DCDC2C: variants seen among roughly 807,000 people sequenced by gnomAD.
DCDC2C encodes doublecortin domain-containing protein 2C.
In DCDC2C, 44 loss-of-function variants were observed where a neutral mutation model predicts 45.0. The ratio of observed to expected loss-of-function variants is 0.98; its 90% confidence interval spans 0.77 to 1.26. DCDC2C has a LOEUF of 1.26. Among genes scored for constraint, DCDC2C ranks in the 50% most tolerant of loss-of-function variants. DCDC2C has a pLI of 0.00. For missense variants in DCDC2C, 447 were observed against 468.9 expected, an observed-to-expected ratio of 0.95 and a Z score of 0.43; for synonymous variants, 187 against 178.8, an observed-to-expected ratio of 1.05 and a Z score of -0.37.
At chr2:3,841,395 A>G (rs1396533041) in intron 10 of DCDC2C, among the ~76,000 whole-genome samples, 1 of 149,936 alleles carries the variant, frequency 6.7e-6, no homozygotes, top group Non-Finnish European at 1.5e-5. Context: ...TTATATTAAT[A>G]TTTTATATTA....
At chr2:3,842,455 G>T (rs1246250827) in intron 10 of DCDC2C, among the ~76,000 whole-genome samples, 1 of 151,962 alleles carries the variant, frequency 6.6e-6, no homozygotes, top group Non-Finnish European at 1.5e-5. Context: ...GTGGGCAGAG[G>T]GGTCAGCTTA....
intron 10 of DCDC2C, among the ~76,000 whole-genome samples, chr2:3,842,539 T>C (rs4849929): frequency 0.57 from 86,744 of 150,878 alleles, 25,031 homozygotes; most frequent in South Asian, 0.73. Context: ...AAAAAGTGAA[T>C]GTGCCTGAGG....
chr2:3,776,214 G>A (rs140388686), intron 8 of DCDC2C, among the ~76,000 whole-genome samples: 54 of 152,238 alleles, frequency 3.5e-4, no homozygotes, highest in African/African-American at 1.3e-3. Context: ...GAGTCCTTCT[G>A]GCTGGCATAT....
At chr2:3,783,442 C>T (rs560616943) in intron 9 of DCDC2C, among the ~76,000 whole-genome samples, 1 of 152,308 alleles carries the variant, frequency 6.6e-6, no homozygotes, top group East Asian at 1.9e-4. Flanking sequence ...GCATCTCTTC[C>T]TCCACTAACC....
At chr2:3,726,152 GCTT>G (rs1432375927) in intron 2 of DCDC2C, 4 of 152,586 alleles carry the variant, frequency 2.6e-5, no homozygotes, top group Non-Finnish European at 5.8e-5. Context: ...GGGACCCCAA[GCTT>G]CTTATCCTGG....
intron 6 of DCDC2C, among the ~76,000 whole-genome samples, chr2:3,764,574 T>C (rs768343440): frequency 2.4e-4 from 37 of 152,210 alleles, no homozygotes; most frequent in Non-Finnish European, 4.4e-5. Context: ...TGTGCCATGA[T>C]TGTGAGACTT....
At chr2:3,825,230 T>G (rs1671784396) in intron 10 of DCDC2C, among the ~76,000 whole-genome samples, 1 of 152,206 alleles carries the variant, frequency 6.6e-6, no homozygotes, top group African/African-American at 2.4e-5. Flanking sequence ...AGCTCTCCTG[T>G]ACCTGCAGCT....
chr2:3,703,623 C>T lies in DCDC2C; in HGVS notation c.-129C>T, dbSNP rs62106595. 366,194 of 935,896 alleles carry T rather than the reference C, an allele frequency of 0.39. 72,830 individuals carry two copies. The highest frequency in any genetic ancestry group is 0.41 in the Non-Finnish European group (295,097 of 727,158). 58.0% of individuals were successfully genotyped at this position (935,896 alleles called of 1,614,324 possible). A position where few individuals can be genotyped will look rare whatever the true frequency, so the allele number is the denominator to read the frequency against. ...CCCCCGTCCCGTCCCCGTCCCGTCC[C>T]CGTCCTGCGCCAGCGGCTGGAGCGG... On this transcript the variant is annotated 5_prime_UTR_variant, in exon 1 of 11. Coordinates refer to ENST00000399143, the MANE Select transcript of DCDC2C (RefSeq NM_001287444.2). The surrounding 1 kb of genome is among the most constrained non-coding windows in gnomAD (Gnocchi z 4.4).
intron 2 of DCDC2C, among the ~76,000 whole-genome samples, chr2:3,710,804 G>T (rs923971603): frequency 1.3e-5 from 2 of 152,110 alleles, no homozygotes; most frequent in Non-Finnish European, 2.9e-5. Flanking sequence ...TCTTTTTTAT[G>T]GCTGCATAGT....
intron 10 of DCDC2C, among the ~76,000 whole-genome samples, chr2:3,798,358 T>C (rs1671019278): frequency 6.6e-6 from 1 of 151,512 alleles, no homozygotes; most frequent in Non-Finnish European, 1.5e-5. Context: ...TTGGAGCATT[T>C]AGTCCATTTA....
At chr2:3,827,326 G>A (rs753104773) in intron 10 of DCDC2C, among the ~76,000 whole-genome samples, 5 of 152,084 alleles carry the variant, frequency 3.3e-5, no homozygotes, top group South Asian at 2.1e-4. Context: ...GATGGGGGTG[G>A]GGGTCCACTT....
chr2:3,835,840 C>T (rs1304589337), intron 10 of DCDC2C, among the ~76,000 whole-genome samples: 1 of 152,062 alleles, frequency 6.6e-6, no homozygotes, highest in Non-Finnish European at 1.5e-5. Context: ...AACTCCTGGG[C>T]TCAAGTGATC....
chr2:3,724,426 C>T (rs1263505734), intron 2 of DCDC2C, among the ~76,000 whole-genome samples: 1 of 152,174 alleles, frequency 6.6e-6, no homozygotes, highest in African/African-American at 2.4e-5. Context: ...ATGAGACACA[C>T]CTCCCTGGTC....
intron 4 of DCDC2C, among the ~76,000 whole-genome samples, chr2:3,743,053 G>A (rs1669261241): frequency 6.6e-6 from 1 of 152,136 alleles, no homozygotes; most frequent in African/African-American, 2.4e-5. Flanking sequence ...TGGAAGGGAT[G>A]GGAAAAATAT....
chr2:3,813,332 G>T (rs139196104), intron 10 of DCDC2C, among the ~76,000 whole-genome samples: 3 of 152,182 alleles, frequency 2.0e-5, no homozygotes, highest in Middle Eastern at 3.4e-3. Flanking sequence ...CTCCCAAAGC[G>T]CTGGGATTAC....
chr2:3,707,875 A>G (rs1428551705), intron 1 of DCDC2C, among the ~76,000 whole-genome samples: 1 of 152,242 alleles, frequency 6.6e-6, no homozygotes, highest in Non-Finnish European at 1.5e-5. Context: ...TGCTGAAACT[A>G]TCAAAAACAA....
At chr2:3,843,330 G>A (rs1014232517) in intron 10 of DCDC2C, among the ~76,000 whole-genome samples, 3 of 152,132 alleles carry the variant, frequency 2.0e-5, no homozygotes, top group Non-Finnish European at 4.4e-5. Context: ...TTGGGTCTAC[G>A]CGTTACTTCT....
chr2:3,725,302 C>A (rs1038289238), intron 2 of DCDC2C, among the ~76,000 whole-genome samples: 1 of 152,120 alleles, frequency 6.6e-6, no homozygotes, highest in African/African-American at 2.4e-5. Context: ...GCTGTGGGGG[C>A]TCGAGCAGAG....
In DCDC2C at chr2:3,741,955, C is replaced by T; in HGVS notation, c.452C>T (p.Ala151Val). 6.5e-7 allele frequency: 1 copy of T among 1,548,196 alleles called. No homozygotes were observed. ...AATGGAAGATTATTTATTCCACCTG[C>T]AAAAATCATTATACCCAAATTTAGT... Reference protein sequence around the residue: ...FTNGRLFIPPAKIIIPKFSLS... With the variant: ...FTNGRLFIPPVKIIIPKFSLS... Residue 151 changes from alanine (A) to valine (V), a missense_variant, in exon 4 of 11, where the codon GCA becomes GTA. Physicochemically the swap from Ala to Val is moderately conservative, Grantham distance 64 (BLOSUM62 0). Coordinates refer to ENST00000399143, the MANE Select transcript of DCDC2C (RefSeq NM_001287444.2).
Sources: allele counts gnomAD v4.1 joint callset (sites outside exome capture counted in the v4.1 genomes callset), GRCh38; gene constraint gnomAD v4.1.1; non-coding constraint Gnocchi (gnomAD v3.1); transcripts MANE v1.5; gene names NCBI Gene and HGNC (gene_info 2026-07-23, HGNC 2026-07-21).